Variants in PTPRD observed in about 807,000 individuals in gnomAD.
PTPRD encodes receptor-type tyrosine-protein phosphatase delta.
In PTPRD, 34 loss-of-function variants were observed where a neutral mutation model predicts 214.5. That is an observed-to-expected ratio of 0.16 (90% CI 0.12 to 0.21). The LOEUF (loss-of-function observed/expected upper bound fraction) is 0.21. PTPRD is among the 10% of genes least tolerant of loss of function. The pLI, the probability that PTPRD is intolerant of heterozygous loss-of-function variation, is 1.00. For synonymous variants in PTPRD, 1,128 were observed against 845.7 expected, an observed-to-expected ratio of 1.33 and a Z score of -5.79; for missense variants, 2,545 against 2,398.7, an observed-to-expected ratio of 1.06 and a Z score of -1.27.
intron 32 of PTPRD, among the ~76,000 whole-genome samples, chr9:8,461,064 A>G (rs1436294631): frequency 6.6e-6 from 1 of 152,122 alleles, no homozygotes; most frequent in African/African-American, 2.4e-5. Context: ...TTAAATGTGA[A>G]TATCGGTAGT....
intron 7 of PTPRD, among the ~76,000 whole-genome samples, chr9:9,593,573 A>C (rs2092982954): frequency 6.6e-6 from 1 of 152,028 alleles, no homozygotes; most frequent in Non-Finnish European, 1.5e-5. Flanking sequence ...ATTACTAAAA[A>C]GTTGGAGAAC....
At chr9:10,164,185 G>A (rs946760607) in intron 3 of PTPRD, among the ~76,000 whole-genome samples, 4 of 151,470 alleles carry the variant, frequency 2.6e-5, no homozygotes, top group Admixed American at 1.3e-4. Context: ...ATACAGAACA[G>A]AGAACACATA....
intron 7 of PTPRD, among the ~76,000 whole-genome samples, chr9:9,628,196 G>A (rs1478703650): frequency 1.3e-5 from 2 of 151,984 alleles, no homozygotes; most frequent in African/African-American, 2.4e-5. Flanking sequence ...TCTCCTTCCT[G>A]TGGCCCCAGT....
At chr9:9,239,279 G>A (rs1204334677) in intron 9 of PTPRD, among the ~76,000 whole-genome samples, 2 of 151,670 alleles carry the variant, frequency 1.3e-5, no homozygotes, top group African/African-American at 4.8e-5. Flanking sequence ...TGTGATATGA[G>A]ATAATCCTTG....
intron 8 of PTPRD, among the ~76,000 whole-genome samples, chr9:9,570,800 A>G (rs906988403): frequency 6.6e-6 from 1 of 151,586 alleles, no homozygotes; most frequent in African/African-American, 2.4e-5. Flanking sequence ...AAAGAAAAAA[A>G]CAGGCAACCA....
intron 3 of PTPRD, among the ~76,000 whole-genome samples, chr9:10,171,872 G>C (rs1244358663): frequency 6.6e-6 from 1 of 152,072 alleles, no homozygotes; most frequent in African/African-American, 2.4e-5. Context: ...CCCCCATCAT[G>C]CTGTTTTTTT....
At chr9:9,713,827 T>C (rs2097774477) in intron 7 of PTPRD, among the ~76,000 whole-genome samples, 1 of 152,094 alleles carries the variant, frequency 6.6e-6, no homozygotes, top group Non-Finnish European at 1.5e-5. Flanking sequence ...AATGTTACAA[T>C]TCAGGGCTTT....
chr9:9,919,407 G>A (rs541121621), intron 5 of PTPRD, among the ~76,000 whole-genome samples: 150 of 152,106 alleles, frequency 9.9e-4, no homozygotes, highest in Non-Finnish European at 1.7e-3. Flanking sequence ...TTCAACTCAT[G>A]TGCCATTTTT....
intron 10 of PTPRD, among the ~76,000 whole-genome samples, chr9:9,147,620 T>C (rs1237592254): frequency 6.6e-6 from 1 of 152,196 alleles, no homozygotes; most frequent in Admixed American, 6.5e-5. Context: ...GCCATAATTA[T>C]TTGTTTACCT....
intron 9 of PTPRD, among the ~76,000 whole-genome samples, chr9:9,234,924 A>G (rs2099965611): frequency 6.6e-6 from 1 of 152,162 alleles, no homozygotes; most frequent in African/African-American, 2.4e-5. Context: ...ACCCATTTCC[A>G]AAGTTGCTCT....
At chr9:8,571,237 C>G (rs1032442213) in intron 14 of PTPRD, among the ~76,000 whole-genome samples, 2 of 152,128 alleles carry the variant, frequency 1.3e-5, no homozygotes, top group African/African-American at 2.4e-5. Flanking sequence ...TGTTCACTCT[C>G]TTACTGTGCC....
At chr9:9,081,932 T>C (rs760273646) in intron 10 of PTPRD, among the ~76,000 whole-genome samples, 2 of 151,602 alleles carry the variant, frequency 1.3e-5, no homozygotes, top group Non-Finnish European at 2.9e-5. Context: ...AATCCCTGAA[T>C]AGACCATAAC....
chr9:10,299,486 T>A (rs189447094), intron 3 of PTPRD, among the ~76,000 whole-genome samples: 1 of 152,260 alleles, frequency 6.6e-6, no homozygotes, highest in East Asian at 1.9e-4. Flanking sequence ...AATGGAGACC[T>A]TGAATGTGCA....
chr9:9,661,738 T>G (rs2154380365), intron 7 of PTPRD, among the ~76,000 whole-genome samples: 1 of 151,918 alleles, frequency 6.6e-6, no homozygotes, highest in South Asian at 2.1e-4. Context: ...GTAAGATGTT[T>G]ACATTTTAGT....
At chr9:8,974,264 G>A (rs10759026) in intron 11 of PTPRD, among the ~76,000 whole-genome samples, 50,381 of 151,850 alleles carry the variant, frequency 0.33, 9,527 homozygotes, top group East Asian at 0.76. Context: ...TCTTCTGCAT[G>A]TGGCTAGCCA....
chr9:10,153,496 C>G (rs1336140777), intron 3 of PTPRD, among the ~76,000 whole-genome samples: 3 of 150,314 alleles, frequency 2.0e-5, no homozygotes, highest in African/African-American at 7.3e-5. Context: ...TATATTTATA[C>G]AATTTTTATA....
intron 9 of PTPRD, among the ~76,000 whole-genome samples, chr9:9,377,736 C>T (rs922518090): frequency 4.6e-5 from 7 of 151,920 alleles, no homozygotes; most frequent in African/African-American, 1.7e-4. Flanking sequence ...ACAGATGAAA[C>T]AAGGTGGGTG....
chr9:8,470,246 C>T (rs113713759), intron 31 of PTPRD, among the ~76,000 whole-genome samples: 1 of 152,088 alleles, frequency 6.6e-6, no homozygotes, highest in Non-Finnish European at 1.5e-5. Flanking sequence ...TCTAGCTCAA[C>T]ACTTCTGGAT....
chr9:8,421,377 T>C (rs1239221632), intron 35 of PTPRD, among the ~76,000 whole-genome samples: 2 of 129,354 alleles, frequency 1.5e-5, no homozygotes, highest in Non-Finnish European at 3.5e-5. Context: ...CTCTTCTCTC[T>C]CTCTCTCTCT....
Sources: allele counts gnomAD v4.1 joint callset (sites outside exome capture counted in the v4.1 genomes callset), GRCh38; gene constraint gnomAD v4.1.1; transcripts MANE v1.5; gene names NCBI Gene and HGNC (gene_info 2026-07-23, HGNC 2026-07-21).